OCA2: variants seen among roughly 807,000 people sequenced by gnomAD.
OCA2 encodes OCA2 melanosomal transmembrane protein.
In OCA2, 77 loss-of-function variants were observed where a neutral mutation model predicts 100.2. The observed-to-expected ratio is 0.77, with a 90% confidence interval of 0.64 to 0.93. The LOEUF (loss-of-function observed/expected upper bound fraction) is 0.93, where lower values mean the gene tolerates loss of function less well. Ranked by LOEUF, OCA2 falls within the 40% of genes least tolerant of loss-of-function variation. The pLI is 0.00. For missense variants in OCA2, 1,062 were observed against 1,089.1 expected (o/e 0.98, Z 0.35); for synonymous variants, 432 against 439.2 (o/e 0.98, Z 0.21).
At chr15:28,095,190 G>A (rs1441790967) in intron 1 of OCA2, among the ~76,000 whole-genome samples, 1 of 152,192 alleles carries the variant, frequency 6.6e-6, no homozygotes, top group Non-Finnish European at 1.5e-5. Context: ...GGGCATGGTG[G>A]GTCTGCGGGA....
At chr15:27,737,733 A>G in the OCA2 span, among the ~76,000 whole-genome samples, 1 of 152,238 alleles carries the variant, frequency 6.6e-6, no homozygotes, top group Non-Finnish European at 1.5e-5. Context: ...AAGAAGAAAG[A>G]TTCATAAATT....
At chr15:27,856,696 C>A (rs1193139257) in intron 21 of OCA2, among the ~76,000 whole-genome samples, 1 of 140,326 alleles carries the variant, frequency 7.1e-6, no homozygotes, top group Admixed American at 6.9e-5. Context: ...CAAACACACA[C>A]CCCTAACACA....
At chr15:27,755,506 G>T (rs747222770) in intron 23 of OCA2, 34 bp from the exon 24 acceptor site, 3 of 1,533,746 alleles carry the variant, frequency 2.0e-6, no homozygotes, top group Non-Finnish European at 9.0e-7. Context: ...TATGGCATCT[G>T]AAATCTGGAT....
At chr15:27,742,047 T>C in the OCA2 span, among the ~76,000 whole-genome samples, 1 of 152,234 alleles carries the variant, frequency 6.6e-6, no homozygotes, top group African/African-American at 2.4e-5. Flanking sequence ...GAAATACACA[T>C]TGCAGACGTA....
chr15:27,820,308 G>A (rs577885438), intron 23 of OCA2, among the ~76,000 whole-genome samples: 3 of 152,276 alleles, frequency 2.0e-5, no homozygotes, highest in East Asian at 3.9e-4. Context: ...ACAGAAGTGG[G>A]GAGAGGAACT....
At chr15:27,860,946 G>A (rs1032141971) in intron 21 of OCA2, among the ~76,000 whole-genome samples, 9 of 152,314 alleles carry the variant, frequency 5.9e-5, no homozygotes, top group Admixed American at 3.9e-4. Flanking sequence ...GCAAGCCATC[G>A]CCAAGACCTT....
Position 27,795,156 on chromosome 15 carries a change from C to T in OCA2, c.2433-39684G>A, listed in dbSNP as rs182278974. On this transcript the variant is annotated intron_variant, in intron 23 of 23. Transcript: ENST00000354638. Reference sequence around the variant, plus strand: ...CTTGGAATACTGGTGCCCAGGAAAACCTTCAATCTGGGTGAAAAGAGTTTA... The same window carrying T: ...CTTGGAATACTGGTGCCCAGGAAAATCTTCAATCTGGGTGAAAAGAGTTTA... 9.7e-4 allele frequency among the ~76,000 whole-genome samples: 147 copies of T among 152,238 alleles called. 1 individual carries two copies. Among genetic ancestry groups the T allele is most frequent in the Non-Finnish European group, 1.5e-4 (10 of 68,016 alleles).
At chr15:27,926,646 A>G (rs1385210640) in intron 18 of OCA2, among the ~76,000 whole-genome samples, 2 of 152,064 alleles carry the variant, frequency 1.3e-5, no homozygotes, top group African/African-American at 4.8e-5. Context: ...CCTTTTTGAG[A>G]CACAGTTTTG....
intron 6 of OCA2, among the ~76,000 whole-genome samples, chr15:28,021,428 T>A (rs1262501471): frequency 6.6e-6 from 1 of 152,054 alleles, no homozygotes; most frequent in East Asian, 1.9e-4. Context: ...GCAAAACAGG[T>A]GACTGTAGGA....
chr15:27,805,191 G>A (rs75954287), intron 23 of OCA2, among the ~76,000 whole-genome samples: 5,718 of 152,336 alleles, frequency 0.038, 342 homozygotes, highest in African/African-American at 0.13. Context: ...CAGGAGCTGC[G>A]TCCACGCTGG....
chr15:27,898,646 A>G (rs931086401), intron 19 of OCA2, among the ~76,000 whole-genome samples: 8 of 152,230 alleles, frequency 5.3e-5, no homozygotes, highest in Non-Finnish European at 1.0e-4. Flanking sequence ...AGGTTGAATT[A>G]TGGATCATAT....
At chr15:27,844,363 G>A (rs1372318901) in intron 23 of OCA2, among the ~76,000 whole-genome samples, 1 of 152,206 alleles carries the variant, frequency 6.6e-6, no homozygotes, top group Non-Finnish European at 1.5e-5. Context: ...CGTCTTCGTG[G>A]ACAGTCAGGG....
chr15:28,018,260 TAAG>T (rs2042464775), intron 7 of OCA2, 134 bp downstream of exon 7: 2 of 778,516 alleles, frequency 2.6e-6, no homozygotes, highest in Non-Finnish European at 4.4e-6. Flanking sequence ...AAGCAAAAGA[TAAG>T]AAGAGCCAAT....
At chr15:28,023,454 G>A (rs1011753985) in intron 5 of OCA2, among the ~76,000 whole-genome samples, 8 of 152,098 alleles carry the variant, frequency 5.3e-5, no homozygotes, top group Non-Finnish European at 8.8e-5. Context: ...ATTCCTGCAC[G>A]CACGCAGAGC....
At chr15:27,805,097 A>C (rs1021720321) in intron 23 of OCA2, among the ~76,000 whole-genome samples, 1 of 152,090 alleles carries the variant, frequency 6.6e-6, no homozygotes, top group African/African-American at 2.4e-5. Context: ...GGTCAGGCTG[A>C]GAGGAGACGG....
Position 27,960,672 on chromosome 15 carries a change from G to A in OCA2, c.1637-2937C>T, listed in dbSNP as rs969756710. On this transcript the variant is annotated intron_variant, in intron 15 of 23. Transcript: ENST00000354638. ...AATCCTAGCACTTTGGGAGGCTGAG[G>A]CGAGCAGATCACCTGAGGTCGGGAG... 3.3e-5 allele frequency among the ~76,000 whole-genome samples: 5 copies of A among 152,274 alleles called. No homozygotes were observed. The South Asian group carries it at 1.0e-3, about 32-fold the overall frequency.
chr15:27,997,395 T>C (rs1376737100), intron 9 of OCA2, among the ~76,000 whole-genome samples: 1 of 151,234 alleles, frequency 6.6e-6, no homozygotes, highest in African/African-American at 2.4e-5. Context: ...TTTCTACATA[T>C]GGCTAGCCAG....
At chr15:27,947,801 C>T (rs1356926381) in intron 18 of OCA2, among the ~76,000 whole-genome samples, 1 of 151,750 alleles carries the variant, frequency 6.6e-6, no homozygotes, top group East Asian at 1.9e-4. Flanking sequence ...TGGCCCGTCA[C>T]GAAGGCCAGC....
the OCA2 span, among the ~76,000 whole-genome samples, chr15:27,747,592 C>T: frequency 0.29 from 44,765 of 151,928 alleles, 7,107 homozygotes; most frequent in East Asian, 0.63. Context: ...ACCACCCAGA[C>T]GTCAGTTTTT....
Sources: gnomAD v4.1 joint callset for allele counts (sites outside exome capture counted in the v4.1 genomes callset) on GRCh38, gnomAD v4.1.1 for gene constraint, MANE v1.5 for transcripts, NCBI Gene and HGNC (gene_info 2026-07-23, HGNC 2026-07-21) for gene names.